SMC6: variants seen among roughly 807,000 people sequenced by gnomAD.
SMC6 encodes the protein structural maintenance of chromosomes protein 6.
Under a neutral mutation model 142.2 loss-of-function variants are expected in SMC6, and 79 were observed. The ratio of observed to expected loss-of-function variants is 0.56; its 90% confidence interval spans 0.46 to 0.67. The LOEUF (loss-of-function observed/expected upper bound fraction) is 0.67. Among genes scored for constraint, SMC6 ranks in the 30% least tolerant of loss-of-function variants. The pLI is 0.00. For missense variants in SMC6, 1,072 were observed against 1,284.0 expected (o/e 0.83, Z 2.52); for synonymous variants, 411 against 412.4 (o/e 1.00, Z 0.04).
At chr2:17,716,306 T>C (rs1187773204) in intron 14 of SMC6, 42 bp from the exon 15 acceptor site, 4 of 1,567,286 alleles carry the variant, frequency 2.6e-6, no homozygotes, top group Non-Finnish European at 3.4e-6. Flanking sequence ...TATGTGATAG[T>C]TTTACAGAAA....
intron 24 of SMC6, among the ~76,000 whole-genome samples, chr2:17,682,578 A>G (rs1667281270): frequency 1.3e-5 from 2 of 152,160 alleles, no homozygotes; most frequent in Non-Finnish European, 2.9e-5. Flanking sequence ...ATCCAAAGGA[A>G]ATAGAAGTAA....
chr2:17,711,911 G>T (rs1668844321), intron 16 of SMC6, among the ~76,000 whole-genome samples: 1 of 152,180 alleles, frequency 6.6e-6, no homozygotes, highest in Non-Finnish European at 1.5e-5. Context: ...GAGCCACCGT[G>T]ACTGGTCTAA....
chr2:17,687,271 T>C (rs1667498129), intron 23 of SMC6, among the ~76,000 whole-genome samples: 2 of 152,292 alleles, frequency 1.3e-5, no homozygotes, highest in South Asian at 2.1e-4. Flanking sequence ...CACATATACA[T>C]GTGTGCGTGC....
intron 4 of SMC6, 35 bp from the exon 5 acceptor site, chr2:17,738,361 T>C (rs1355118011): frequency 6.6e-7 from 1 of 1,514,516 alleles, no homozygotes; most frequent in Non-Finnish European, 9.0e-7. Flanking sequence ...TCACATTCAT[T>C]AAAAGAAAAA....
rs750358192 is a variant in SMC6, at chr2:17,741,667, C to T, written c.183G>A (p.Met61Ile). ...TAGAACCAAACTTAAAAGGTCCAAGCATTGAATGACACATGAAGTTTTTTA... is the reference window on the plus strand; with the variant it reads ...TAGAACCAAACTTAAAAGGTCCAAGTATTGAATGACACATGAAGTTTTTTA... ...IHLKNFMCHS[M>I]LGPFKFGSNV... Residue 61 changes from methionine to isoleucine, a missense_variant, in exon 4 of 28, where the codon ATG (methionine) becomes ATA (isoleucine). Around this residue, in one of 3 missense-constraint regions of SMC6, gnomAD observed 994 missense variants for 1,153.2 expected, o/e 0.86. Transcript: ENST00000448223. 1 of 1,612,164 alleles carries T rather than the reference C, an allele frequency of 6.2e-7. No individual in the cohort carries two copies. Among genetic ancestry groups the T allele is most frequent in the Non-Finnish European group, 8.5e-7 (1 of 1,179,302 alleles).
At chr2:17,702,606 C>G (rs1307893251) in intron 19 of SMC6, among the ~76,000 whole-genome samples, 1 of 151,954 alleles carries the variant, frequency 6.6e-6, no homozygotes, top group East Asian at 1.9e-4. Flanking sequence ...GTGTCCCTAC[C>G]CAGATCTCAC....
Position 17,669,543 on chromosome 2 carries a change from GAACA to G in SMC6, c.3063+876_3063+879del, listed in dbSNP as rs748541640. ...TAGGGGAGGCAGCTTGGCAGATTAA[GAACA>G]AATAATAGAAAAACAGGAAAACCAG... is the stretch of plus-strand genomic sequence containing the variant. On this transcript the variant is annotated intron_variant, in intron 26 of 27. Coordinates refer to ENST00000448223, the MANE Select transcript of SMC6 (RefSeq NM_001142286.2). Among the ~76,000 whole-genome samples the G allele has an allele frequency of 8.5e-5, 13 of 152,252 alleles. No homozygotes were observed. The East Asian group carries it at 1.4e-3, about 16-fold the overall frequency.
chr2:17,725,142 A>G, intron 9 of SMC6, 115 bp downstream of exon 9: 1 of 694,264 alleles, frequency 1.4e-6, no homozygotes, highest in Non-Finnish European at 2.4e-6. Context: ...AGTGCTATAA[A>G]AATATTACTA....
intron 24 of SMC6, chr2:17,681,974 TA>T (rs1397496096): frequency 6.6e-6 from 1 of 152,136 alleles, no homozygotes; most frequent in African/African-American, 2.4e-5. Context: ...CTGTAAACTG[TA>T]AGATCAGTAC....
Position 17,718,118 on chromosome 2 carries a change from C to T in SMC6, c.1051G>A (p.Ala351Thr). The T allele has an allele frequency of 6.2e-7, 1 of 1,611,228 alleles. No individual in the cohort carries two copies. The highest frequency in any genetic ancestry group is 2.2e-5 in the East Asian group (1 of 44,676). The change falls in exon 12 of 28, where the codon GCA (alanine) becomes ACA (threonine). Residue 351 changes from alanine (A) to threonine (T), a missense_variant. Ala to Thr is a moderately conservative substitution (Grantham distance 58). Around this residue, in one of 3 missense-constraint regions of SMC6, gnomAD observed 994 missense variants for 1,153.2 expected, o/e 0.86. Transcript: ENST00000448223. ...GCCCTTTTCTTAGCAACAACATCTG[C>T]TTTCAATGCCATACATTCTGGTGCT... ...ARAPECMALK[A>T]DVVAKKRAYN...
chr2:17,670,154 G>A (rs1666687962), intron 26 of SMC6, among the ~76,000 whole-genome samples: 1 of 152,100 alleles, frequency 6.6e-6, no homozygotes, highest in East Asian at 1.9e-4. Context: ...GAGGGTGAGG[G>A]AGAAAACGCA....
chr2:17,721,091 A>T, intron 10 of SMC6, 51 bp downstream of exon 10: 1 of 1,612,260 alleles, frequency 6.2e-7, no homozygotes, highest in Non-Finnish European at 8.5e-7. Context: ...ATAACCAAAT[A>T]CATTCTGCAT....
intron 23 of SMC6, among the ~76,000 whole-genome samples, chr2:17,693,873 G>A (rs909161594): frequency 2.0e-5 from 3 of 151,414 alleles, no homozygotes; most frequent in African/African-American, 7.3e-5. Flanking sequence ...GCATGTGCCT[G>A]TCTGTAATCC....
At chr2:17,668,041 A>C (rs1034805901) in intron 26 of SMC6, among the ~76,000 whole-genome samples, 1 of 152,162 alleles carries the variant, frequency 6.6e-6, no homozygotes, top group African/African-American at 2.4e-5. Context: ...CTGCCAAAGT[A>C]CCAAAAAAAA....
At chr2:17,742,942 A>G (rs1558381171) in intron 3 of SMC6, among the ~76,000 whole-genome samples, 1 of 152,144 alleles carries the variant, frequency 6.6e-6, no homozygotes, top group Non-Finnish European at 1.5e-5. Flanking sequence ...AGTCACATCC[A>G]CATCCCACCT....
At chr2:17,721,442 A>C (rs1669371328) in intron 9 of SMC6, among the ~76,000 whole-genome samples, 181 bp from the exon 10 acceptor site, 1 of 152,186 alleles carries the variant, frequency 6.6e-6, no homozygotes, top group African/African-American at 2.4e-5. Flanking sequence ...AAGTCCAATA[A>C]TTTTGTGAAT....
At chr2:17,693,249 C>T (rs1027347600) in intron 23 of SMC6, among the ~76,000 whole-genome samples, 2 of 152,132 alleles carry the variant, frequency 1.3e-5, no homozygotes, top group African/African-American at 2.4e-5. Flanking sequence ...GACACATGCA[C>T]ATGTATGTTT....
At chr2:17,665,801 T>C (rs1053987413) in intron 27 of SMC6, among the ~76,000 whole-genome samples, 188 bp from the exon 28 acceptor site, 1 of 152,224 alleles carries the variant, frequency 6.6e-6, no homozygotes. Flanking sequence ...ATTTTAAAAA[T>C]TAATTCCTGC....
At chr2:17,725,512 T>A (rs1669572426) in intron 8 of SMC6, among the ~76,000 whole-genome samples, 154 bp from the exon 9 acceptor site, 1 of 152,160 alleles carries the variant, frequency 6.6e-6, no homozygotes, top group African/African-American at 2.4e-5. Context: ...CACAAAAGAA[T>A]ACATCATATT....
Sources: gnomAD v4.1 joint callset for allele counts (sites outside exome capture counted in the v4.1 genomes callset) on GRCh38, gnomAD v4.1.1 for gene constraint, gnomAD v4.1.1 regional missense constraint, MANE v1.5 for transcripts, NCBI Gene and HGNC (gene_info 2026-07-23, HGNC 2026-07-21) for gene names.